SH3RF3: variants seen among roughly 807,000 people sequenced by gnomAD.
SH3RF3 encodes the protein SH3 domain containing ring finger 3.
In SH3RF3, 29 loss-of-function variants were observed where a neutral mutation model predicts 66.3. The ratio of observed to expected loss-of-function variants is 0.44; its 90% CI spans 0.33 to 0.60. The LOEUF (loss-of-function observed/expected upper bound fraction) is 0.60, where lower values mean the gene tolerates loss of function less well. Ranked by LOEUF, SH3RF3 falls within the 20% of genes least tolerant of loss-of-function variation. The pLI, the probability that SH3RF3 is intolerant of heterozygous loss-of-function variation, is 0.04. For missense variants in SH3RF3, 1,194 were observed against 1,190.9 expected, an observed-to-expected ratio of 1.00 and a Z score of -0.04; for synonymous variants, 583 against 532.0, an observed-to-expected ratio of 1.10 and a Z score of -1.32.
At chr2:109,372,701 C>G (rs1375887983) in intron 3 of SH3RF3, among the ~76,000 whole-genome samples, 2 of 152,216 alleles carry the variant, frequency 1.3e-5, no homozygotes, top group Non-Finnish European at 2.9e-5. Flanking sequence ...GCCCTTCACT[C>G]TCCTGCTCTC....
intron 1 of SH3RF3, among the ~76,000 whole-genome samples, chr2:109,214,156 C>T (rs1245014968): frequency 6.6e-6 from 1 of 152,120 alleles, no homozygotes; most frequent in Non-Finnish European, 1.5e-5. Context: ...GTAGGGGCCT[C>T]AGCAGGCTGT....
intron 1 of SH3RF3, among the ~76,000 whole-genome samples, chr2:109,147,710 G>A (rs1022136481): frequency 3.3e-5 from 5 of 152,116 alleles, no homozygotes; most frequent in African/African-American, 1.2e-4. Flanking sequence ...GGGTCTTAGG[G>A]CACTTTGGTT....
At chr2:109,346,945 G>A (rs557679406) in intron 1 of SH3RF3, among the ~76,000 whole-genome samples, 7 of 152,246 alleles carry the variant, frequency 4.6e-5, no homozygotes, top group Non-Finnish European at 7.4e-5. Flanking sequence ...TGTGATGGCC[G>A]GGGACTGCTT....
At chr2:109,460,937 C>G (rs1432761254) in intron 8 of SH3RF3, among the ~76,000 whole-genome samples, 1 of 152,240 alleles carries the variant, frequency 6.6e-6, no homozygotes, top group Non-Finnish European at 1.5e-5. Flanking sequence ...CTGCAGCTGC[C>G]CACTTTCAGG....
intron 4 of SH3RF3, among the ~76,000 whole-genome samples, chr2:109,412,659 G>A (rs979244538): frequency 1.6e-4 from 24 of 152,192 alleles, no homozygotes; most frequent in African/African-American, 5.1e-4. Context: ...AGAAAGATAC[G>A]GGCTTACCGT....
At chr2:109,286,288 G>T (rs73955509) in intron 1 of SH3RF3, among the ~76,000 whole-genome samples, 1 of 152,216 alleles carries the variant, frequency 6.6e-6, no homozygotes, top group African/African-American at 2.4e-5. Context: ...TGATGGAAAA[G>T]TGTGGTCAAG....
intron 7 of SH3RF3, among the ~76,000 whole-genome samples, chr2:109,442,329 A>C (rs1677592534): frequency 6.6e-6 from 1 of 151,374 alleles, no homozygotes; most frequent in Non-Finnish European, 1.5e-5. Context: ...AAAAAAAAGA[A>C]AAAATCCACA....
intron 8 of SH3RF3, among the ~76,000 whole-genome samples, chr2:109,450,926 A>G (rs1185684186): frequency 6.6e-6 from 1 of 152,250 alleles, no homozygotes; most frequent in African/African-American, 2.4e-5. Context: ...GGTGTGTTCC[A>G]GGCAAGGACA....
intron 1 of SH3RF3, among the ~76,000 whole-genome samples, chr2:109,223,884 C>T (rs746441501): frequency 7.9e-5 from 12 of 152,150 alleles, no homozygotes; most frequent in Non-Finnish European, 1.8e-4. Context: ...GTTGTCCCAG[C>T]TACTCCGGAG....
chr2:109,189,289 T>C (rs1678278987), intron 1 of SH3RF3, among the ~76,000 whole-genome samples: 1 of 151,846 alleles, frequency 6.6e-6, no homozygotes. Flanking sequence ...CTTGGCATTC[T>C]GATTGTCAGG....
At chr2:109,243,793 T>C (rs1679845896) in intron 1 of SH3RF3, among the ~76,000 whole-genome samples, 1 of 152,180 alleles carries the variant, frequency 6.6e-6, no homozygotes, top group Admixed American at 6.5e-5. Flanking sequence ...GTTTGGGACA[T>C]GTTCTCTGTG....
chr2:109,189,218 C>T (rs576180468), intron 1 of SH3RF3, among the ~76,000 whole-genome samples: 1 of 152,048 alleles, frequency 6.6e-6, no homozygotes, highest in East Asian at 1.9e-4. Context: ...AGAGGAGGCT[C>T]TGGTGTGTTC....
chr2:109,345,187 C>G (rs907496998), intron 1 of SH3RF3, among the ~76,000 whole-genome samples: 1 of 152,208 alleles, frequency 6.6e-6, no homozygotes, highest in African/African-American at 2.4e-5. Context: ...CCAGCTTTAC[C>G]TGCCACACTA....
chr2:109,137,363 T>C (rs967667119), intron 1 of SH3RF3, among the ~76,000 whole-genome samples: 1 of 152,188 alleles, frequency 6.6e-6, no homozygotes, highest in Non-Finnish European at 1.5e-5. Context: ...GCTGGAGGCT[T>C]TCTGAGAGCA....
intron 1 of SH3RF3, among the ~76,000 whole-genome samples, chr2:109,158,276 C>T (rs543825920): frequency 6.6e-5 from 10 of 152,294 alleles, no homozygotes; most frequent in South Asian, 2.1e-4. Flanking sequence ...TCCAGGCTCC[C>T]GGTTGCCACT....
chr2:109,377,071 G>GA (rs1056863299), intron 3 of SH3RF3, among the ~76,000 whole-genome samples: 4 of 152,208 alleles, frequency 2.6e-5, no homozygotes, highest in African/African-American at 9.6e-5. Context: ...GGCTTGGGCT[G>GA]AAAAAATAGG....
At chr2:109,249,124 C>A (rs1427749932) in intron 1 of SH3RF3, among the ~76,000 whole-genome samples, 1 of 152,180 alleles carries the variant, frequency 6.6e-6, no homozygotes, top group Non-Finnish European at 1.5e-5. Context: ...CAAGCAATTT[C>A]CCTGTCTTGG....
intron 2 of SH3RF3, among the ~76,000 whole-genome samples, chr2:109,348,326 A>T (rs927050976): frequency 1.3e-5 from 2 of 152,154 alleles, no homozygotes; most frequent in Admixed American, 1.3e-4. Flanking sequence ...GTCCTGTGAG[A>T]GGGGCTCATC....
In SH3RF3 at chr2:109,486,166, G is replaced by A. The variant is rs149365744; in HGVS notation, c.2149-4439G>A. On this transcript the variant is annotated intron_variant, in intron 8 of 9. Coordinates refer to ENST00000309415, the MANE Select transcript of SH3RF3 (RefSeq NM_001099289.3). ...CTGTGTCTTGACATTACTCTTTGTC[G>A]TCTGGAAATCACTTACCGAGTTGCA... Among the ~76,000 whole-genome samples, 711 of 152,298 alleles carry A rather than the reference G, an allele frequency of 4.7e-3. 1 individual carries two copies. The highest frequency in any genetic ancestry group is 0.015 in the African/African-American group (610 of 41,560).
Sources: allele counts gnomAD v4.1 joint callset (sites outside exome capture counted in the v4.1 genomes callset), GRCh38; gene constraint gnomAD v4.1.1; transcripts MANE v1.5; gene names NCBI Gene and HGNC (gene_info 2026-07-23, HGNC 2026-07-21).